Variants in ZBTB32 observed in about 807,000 individuals in gnomAD.
The protein encoded by ZBTB32 is zinc finger and BTB domain-containing protein 32.
In ZBTB32, 28 loss-of-function variants were observed where a neutral mutation model predicts 45.3. The observed-to-expected ratio is 0.62, with a 90% CI of 0.46 to 0.85. ZBTB32 has a LOEUF of 0.85. Ranked by LOEUF, ZBTB32 falls within the 40% of genes least tolerant of loss-of-function variation. ZBTB32 has a pLI of 0.00. For missense variants in ZBTB32, 587 were observed against 624.4 expected (o/e 0.94, Z 0.64); for synonymous variants, 283 against 255.7 (o/e 1.11, Z -1.02).
intron 6 of ZBTB32, 81 bp downstream of exon 6, chr19:35,716,378 C>A: frequency 1.3e-6 from 2 of 1,593,364 alleles, no homozygotes; most frequent in Admixed American, 1.7e-5. Context: ...GCCCGGTTCC[C>A]GCGCAATCCC....
chr19:35,707,369 CTTTTTTTTT>C (rs35043509), intron 1 of ZBTB32, among the ~76,000 whole-genome samples: 2 of 119,672 alleles, frequency 1.7e-5, no homozygotes, highest in Admixed American at 8.9e-5. Flanking sequence ...CTACCATTTT[CTTTTTTTTT>C]TTTTTTTTCG....
Position 35,716,491 on chromosome 19 carries a change from C to T in ZBTB32, c.1203C>T (p.Phe401=). 2 of 1,605,562 alleles carry T rather than the reference C, an allele frequency of 1.2e-6. No homozygotes were observed. Among genetic ancestry groups the T allele is most frequent in the Non-Finnish European group, 1.7e-6 (2 of 1,173,926 alleles). ...CGACCGCTCTAGGAGAGAAGCCCTTCTCCTGTAGCCTTTGTCCTCAGCGCT... is the reference window on the plus strand; with the variant it reads ...CGACCGCTCTAGGAGAGAAGCCCTTTTCCTGTAGCCTTTGTCCTCAGCGCT... ...HYRVHTGEKP[F]SCSLCPQRSR... Residue 401 remains phenylalanine, a synonymous_variant, in exon 7 of 7, where the codon TTC becomes TTT. Transcript: ENST00000392197.
chr19:35,705,751 A>G (rs1238242922), intron 1 of ZBTB32, among the ~76,000 whole-genome samples: 1 of 151,664 alleles, frequency 6.6e-6, no homozygotes, highest in Non-Finnish European at 1.5e-5. Context: ...TCTCTACTAA[A>G]AATACAAAAA....
chr19:35,715,587 C>T (rs1257643283), intron 3 of ZBTB32, 80 bp downstream of exon 3: 1 of 1,491,160 alleles, frequency 6.7e-7, no homozygotes, highest in Non-Finnish European at 8.9e-7. Flanking sequence ...GGTGGAAGGG[C>T]ACTGCATCTC....
chr19:35,708,214 G>T (rs533049746), intron 1 of ZBTB32, among the ~76,000 whole-genome samples: 1 of 152,166 alleles, frequency 6.6e-6, no homozygotes, highest in East Asian at 1.9e-4. Context: ...ACAAAATCAG[G>T]GTCTAGCGTG....
In ZBTB32 at chr19:35,706,228, C is replaced by CAAAAAAAAAAAA. The variant is rs11331490; in HGVS notation, c.-222+1610_-222+1621dup. On this transcript the variant is annotated intron_variant, in intron 1 of 6. Transcript: ENST00000392197. The stretch of plus-strand genomic sequence containing the variant: ...GGGCAACAAGAGCGAAACTCCATCT[C>CAAAAAAAAAAAA]AAAAAAAAAAAAAAAACTGGAATTG... Among the ~76,000 whole-genome samples, 10 of 130,732 alleles carry CAAAAAAAAAAAA rather than the reference C, an allele frequency of 7.6e-5. No homozygotes were observed. In the East Asian group the frequency reaches 2.4e-3, roughly 31 times the overall value. The allele number at this position is 130,732 out of a possible 152,430, so 85.8% of individuals were successfully genotyped here.
intron 1 of ZBTB32, among the ~76,000 whole-genome samples, chr19:35,709,056 A>G (rs946453423): frequency 1.3e-5 from 2 of 152,020 alleles, no homozygotes; most frequent in Non-Finnish European, 2.9e-5. Flanking sequence ...CCGACCTCAG[A>G]TGATCCGCTT....
In ZBTB32 at chr19:35,716,150, G is replaced by T; in HGVS notation, c.1042G>T (p.Ala348Ser). 1.2e-6 allele frequency: 2 copies of T among 1,613,832 alleles called. No individual in the cohort carries two copies. Among genetic ancestry groups the T allele is most frequent in the African/African-American group, 1.3e-5 (1 of 75,038 alleles). ...QGHTGALATC[A>S]GHEDKAGCPP... is the part of the protein sequence containing the mutation. ...CCCCACAGGCGCACTTGCAACCTGT[G>T]CGGGTCATGAGGACAAGGCAGGCTG... The change falls in exon 6 of 7, where the codon GCG becomes TCG. Residue 348 changes from alanine (A) to serine (S), a missense_variant. Transcript: ENST00000392197.
At chr19:35,711,845 C>T (rs1380978826) in intron 1 of ZBTB32, among the ~76,000 whole-genome samples, 2 of 151,388 alleles carry the variant, frequency 1.3e-5, no homozygotes, top group South Asian at 2.1e-4. Context: ...GCCAACATGG[C>T]GAAACCCTGT....
chr19:35,710,438 G>A (rs1409323475), intron 1 of ZBTB32, among the ~76,000 whole-genome samples: 1 of 151,952 alleles, frequency 6.6e-6, no homozygotes, highest in African/African-American at 2.4e-5. Context: ...GAGGAAGGGG[G>A]GGCAAGGTTT....
chr19:35,711,734 T>C (rs951650211), intron 1 of ZBTB32, among the ~76,000 whole-genome samples: 3 of 151,934 alleles, frequency 2.0e-5, no homozygotes, highest in African/African-American at 7.3e-5. Context: ...CTTAGATCCT[T>C]CCCCCTTAAG....
At position 35,715,988 on chromosome 19, in the gene ZBTB32, G is replaced by A; in HGVS notation, c.1005G>A (p.Glu335=). Reference sequence around the variant, plus strand: ...AGCTCAGCCCTGGGGAGATGGAAGAGTCTGATCAGGGGCACACAGGTGAGT... The same window carrying A: ...AGCTCAGCCCTGGGGAGATGGAAGAATCTGATCAGGGGCACACAGGTGAGT... ...PAQLSPGEME[E]SDQGHTGALA... The change falls in exon 5 of 7, where the codon GAG becomes GAA. Residue 335 remains glutamate (E), a synonymous_variant. Transcript: ENST00000392197. 1 of 1,612,896 alleles carries A rather than the reference G, an allele frequency of 6.2e-7. No individual in the cohort carries two copies.
rs2234365 is a variant in ZBTB32, at chr19:35,714,793, G to A, written c.167G>A (p.Arg56His). Residue 56 changes from arginine to histidine, a missense_variant, in exon 3 of 7, where the codon CGC (arginine) becomes CAC (histidine). Arg to His is a conservative substitution (Grantham distance 29, BLOSUM62 0). Transcript: ENST00000392197. ...VLAGVSQQLG[R>H]RGQWALGEGI... Reference sequence around the variant, plus strand: ...GCAGGTGTCAGCCAGCAGCTGGGCCGCAGGGGCCAGTGGGCTCTGGGAGAA... The same window carrying A: ...GCAGGTGTCAGCCAGCAGCTGGGCCACAGGGGCCAGTGGGCTCTGGGAGAA... 94 of 1,613,978 alleles carry A rather than the reference G, an allele frequency of 5.8e-5. No homozygotes were observed. Among genetic ancestry groups the A allele is most frequent in the African/African-American group, 4.3e-4 (32 of 74,948 alleles).
chr19:35,707,695 A>G (rs1968582469), intron 1 of ZBTB32, among the ~76,000 whole-genome samples: 1 of 151,968 alleles, frequency 6.6e-6, no homozygotes, highest in African/African-American at 2.4e-5. Context: ...AATGTCAACA[A>G]TTGGTCCCAG....
intron 1 of ZBTB32, among the ~76,000 whole-genome samples, chr19:35,708,115 C>T (rs1170150689): frequency 2.6e-5 from 4 of 152,048 alleles, no homozygotes; most frequent in East Asian, 1.9e-4. Context: ...GAGACTCCCT[C>T]GTCTCTTCCC....
chr19:35,707,375 T>TC (rs973285413), intron 1 of ZBTB32, among the ~76,000 whole-genome samples: 2 of 148,738 alleles, frequency 1.3e-5, no homozygotes, highest in Non-Finnish European at 3.0e-5. Flanking sequence ...TTTTCTTTTT[T>TC]TTTTTTTTTT....
Position 35,716,702 on chromosome 19 carries a change from C to T in ZBTB32, c.1414C>T (p.Pro472Ser). 1 of 1,613,984 alleles carries T rather than the reference C, an allele frequency of 6.2e-7. No homozygotes were observed. Among genetic ancestry groups the T allele is most frequent in the Non-Finnish European group, 8.5e-7 (1 of 1,179,916 alleles). Residue 472 changes from proline to serine, a missense_variant, in exon 7 of 7, where the codon CCG (proline) becomes TCG (serine). Coordinates refer to ENST00000392197, the MANE Select transcript of ZBTB32 (RefSeq NM_014383.3). The part of the protein sequence containing the change: ...RSTFLYSSSR[P>S]SRPSTSPCCP... Reference sequence around the variant, plus strand: ...CACCTTCCTCTACTCCTCCTCGAGGCCGTCTCGGCCCTCGACCTCTCCCTG... The same window carrying T: ...CACCTTCCTCTACTCCTCCTCGAGGTCGTCTCGGCCCTCGACCTCTCCCTG...
Position 35,717,007 on chromosome 19 carries a change from C to CA in ZBTB32, c.*256dup, listed in dbSNP as rs1432190623. 13 of 543,298 alleles carry CA rather than the reference C, an allele frequency of 2.4e-5. No individual in the cohort carries two copies. The highest frequency in any genetic ancestry group is 4.2e-5 in the Non-Finnish European group (13 of 306,180). 33.7% of individuals were successfully genotyped at this position (543,298 alleles called of 1,614,324 possible). ...TAGGGGAGATTGTCGATCTCATCAC[C>CA]ATAATAAAGAGTTTCCTGTGCCCTC... On this transcript the variant is annotated 3_prime_UTR_variant, in exon 7 of 7. Coordinates refer to ENST00000392197, the MANE Select transcript of ZBTB32 (RefSeq NM_014383.3).
chr19:35,712,522 A>G (rs916653760), intron 1 of ZBTB32, among the ~76,000 whole-genome samples: 5 of 152,184 alleles, frequency 3.3e-5, no homozygotes, highest in Non-Finnish European at 7.4e-5. Flanking sequence ...AGAGAATAAT[A>G]AGAAACAGAA....
Sources: allele counts gnomAD v4.1 joint callset (sites outside exome capture counted in the v4.1 genomes callset), GRCh38; gene constraint gnomAD v4.1.1; transcripts MANE v1.5; gene names NCBI Gene and HGNC (gene_info 2026-07-23, HGNC 2026-07-21).